CCDC144A: variants seen among roughly 807,000 people sequenced by gnomAD.
CCDC144A encodes the protein coiled-coil domain containing 144A, also known as coiled-coil domain-containing protein 144A.
A neutral mutation model predicts 143.8 loss-of-function variants in CCDC144A; 41 were observed. That is an observed-to-expected ratio of 0.29 (90% confidence interval 0.22 to 0.37). The LOEUF (loss-of-function observed/expected upper bound fraction) is 0.37, where lower values mean the gene tolerates loss of function less well. CCDC144A is among the 10% of genes least tolerant of loss of function. The pLI is 1.00. For missense variants in CCDC144A, 637 were observed against 1,488.8 expected, an observed-to-expected ratio of 0.43 and a Z score of 9.41; for synonymous variants, 242 against 517.9, an observed-to-expected ratio of 0.47 and a Z score of 7.23.
intron 11 of CCDC144A, among the ~76,000 whole-genome samples, chr17:16,734,146 A>G (rs1169288457): frequency 1.3e-5 from 2 of 151,772 alleles, no homozygotes; most frequent in Non-Finnish European, 1.5e-5. Context: ...ATCTCGAAAA[A>G]AAAAAAAAAA....
At chr17:16,676,857 A>G in the CCDC144A span, among the ~76,000 whole-genome samples, 7 of 152,130 alleles carry the variant, frequency 4.6e-5, no homozygotes, top group Non-Finnish European at 1.0e-4. Context: ...TTCCAGATGT[A>G]CATCCCAAAC....
In CCDC144A at chr17:16,735,408, A is replaced by G. The variant is rs368391103; in HGVS notation, c.3137A>G (p.Gln1046Arg). Reference sequence around the variant, plus strand: ...GTAGAGGAGAGATTATCTCAACTACAAAGTGAAAATATGTTGCTTCGACAG... The same window carrying G: ...GTAGAGGAGAGATTATCTCAACTACGAAGTGAAAATATGTTGCTTCGACAG... ...ESVEERLSQL[Q>R]SENMLLRQQL... Residue 1046 changes from glutamine to arginine, a missense_variant, in exon 12 of 17, where the codon CAA (glutamine) becomes CGA (arginine). Coordinates refer to ENST00000399273, the MANE Select transcript of CCDC144A (RefSeq NM_001382000.1). The G allele has an allele frequency of 1.0e-4, 168 of 1,613,420 alleles. 1 individual carries two copies. The African/African-American group carries it at 1.9e-3, about 18-fold the overall frequency.
rs1912211538 is a variant in CCDC144A at position 16,708,883 on chromosome 17, G to A, written c.826G>A (p.Glu276Lys). 6.2e-7 allele frequency: 1 copy of A among 1,611,620 alleles called. No homozygotes were observed. Among genetic ancestry groups the A allele is most frequent in the Non-Finnish European group, 8.5e-7 (1 of 1,179,756 alleles). ...YPVLPHVQKS[E>K]EMWIEQGKLE... ...AGTACTTCCTCATGTGCAAAAATCT[G>A]AGGAAATGTGGATTGAACAAGGCAA... Residue 276 changes from glutamate (E) to lysine (K), a missense_variant, in exon 5 of 17, where the codon GAG becomes AAG. By Grantham distance (56) the Glu-to-Lys change is moderately conservative. Transcript: ENST00000399273.
intron 2 of CCDC144A, among the ~76,000 whole-genome samples, chr17:16,700,772 T>C (rs988676274): frequency 6.6e-6 from 1 of 152,160 alleles, no homozygotes; most frequent in Non-Finnish European, 1.5e-5. Context: ...TTAACAGGTA[T>C]TGGTACATAA....
At chr17:16,749,235 A>G (rs978073402) in intron 12 of CCDC144A, among the ~76,000 whole-genome samples, 49 of 152,126 alleles carry the variant, frequency 3.2e-4, no homozygotes, top group South Asian at 1.0e-3. Context: ...GTTTTGCACT[A>G]TAAGCTTTCC....
upstream of CCDC144A, among the ~76,000 whole-genome samples, chr17:16,688,322 C>T (rs904730603): frequency 6.6e-6 from 1 of 151,882 alleles, no homozygotes; most frequent in African/African-American, 2.4e-5. Flanking sequence ...GTGAAGATCA[C>T]CCTTCAAGGC....
chr17:16,754,906 C>T (rs1191910318), intron 12 of CCDC144A, among the ~76,000 whole-genome samples: 15 of 152,180 alleles, frequency 9.9e-5, no homozygotes, highest in Non-Finnish European at 7.3e-5. Context: ...TCTGTGTGCT[C>T]AGGTATTGAG....
At chr17:16,732,463 A>G in intron 10 of CCDC144A, 75 bp from the exon 11 acceptor site, 3 of 872,118 alleles carry the variant, frequency 3.4e-6, no homozygotes, top group Non-Finnish European at 5.4e-6. Context: ...CCGTTTTATA[A>G]GAGAGGCTCT....
At chr17:16,681,497 G>T in the CCDC144A span, among the ~76,000 whole-genome samples, 3,342 of 152,174 alleles carry the variant, frequency 0.022, 115 homozygotes, top group African/African-American at 0.077. Flanking sequence ...AGTATGTAAA[G>T]TTACCCAGGT....
chr17:16,670,854 C>A, the CCDC144A span, among the ~76,000 whole-genome samples: 9 of 151,836 alleles, frequency 5.9e-5, no homozygotes, highest in African/African-American at 2.2e-4. Context: ...ATACATCATA[C>A]CATATCATGT....
At chr17:16,688,484 GTTTTTTTTTTT>G (rs66493875), upstream of CCDC144A, among the ~76,000 whole-genome samples, 3 of 71,622 alleles carry the variant, frequency 4.2e-5, no homozygotes. Context: ...TTCTTTTTCT[GTTTTTTTTTTT>G]TTTTTTTTTT....
chr17:16,667,259 GC>G, the CCDC144A span: 8 of 242,978 alleles, frequency 3.3e-5, no homozygotes, highest in South Asian at 1.1e-4. Context: ...GGCGGCTGAG[GC>G]GGCTGAGGCG....
At chr17:16,743,683 C>A (rs2586650) in intron 12 of CCDC144A, among the ~76,000 whole-genome samples, 14,081 of 151,804 alleles carry the variant, frequency 0.093, 747 homozygotes, top group Non-Finnish European at 0.13. Flanking sequence ...TTATCTTATT[C>A]TTTCTCTTTC....
At chr17:16,689,193 CCTT>C (rs2142736800), upstream of CCDC144A, among the ~76,000 whole-genome samples, 1 of 151,962 alleles carries the variant, frequency 6.6e-6, no homozygotes, top group Admixed American at 6.6e-5. Context: ...TTCTCTCCTT[CCTT>C]CTTTTCTTTC....
At chr17:16,691,170 A>G (rs975599554) in intron 1 of CCDC144A, among the ~76,000 whole-genome samples, 1 of 152,040 alleles carries the variant, frequency 6.6e-6, no homozygotes. Context: ...CAACATGGTG[A>G]AACCCCGCCT....
chr17:16,685,442 G>A (rs761116897), upstream of CCDC144A, among the ~76,000 whole-genome samples: 8 of 151,900 alleles, frequency 5.3e-5, no homozygotes, highest in African/African-American at 4.8e-5. Flanking sequence ...TGCAAATGGC[G>A]TGGTCTCGGC....
chr17:16,676,716 A>C, the CCDC144A span, among the ~76,000 whole-genome samples: 1 of 151,968 alleles, frequency 6.6e-6, no homozygotes, highest in African/African-American at 2.4e-5. Flanking sequence ...GCACATTTCC[A>C]ATCTTAGTAC....
At chr17:16,698,969 T>G (rs1320794889) in intron 2 of CCDC144A, among the ~76,000 whole-genome samples, 1 of 152,224 alleles carries the variant, frequency 6.6e-6, no homozygotes, top group African/African-American at 2.4e-5. Flanking sequence ...CTGACTCCTT[T>G]TGTTAGTGCA....
intron 12 of CCDC144A, among the ~76,000 whole-genome samples, chr17:16,760,018 C>T (rs1406591131): frequency 2.6e-5 from 4 of 152,188 alleles, no homozygotes; most frequent in African/African-American, 9.7e-5. Flanking sequence ...TTGGCTGGGA[C>T]GTTAGGTAGG....
Sources: allele counts gnomAD v4.1 joint callset (sites outside exome capture counted in the v4.1 genomes callset), GRCh38; gene constraint gnomAD v4.1.1; transcripts MANE v1.5; gene names NCBI Gene and HGNC (gene_info 2026-07-23, HGNC 2026-07-21).